BCL2L1: variants seen among roughly 807,000 people sequenced by gnomAD.
The protein encoded by BCL2L1 is bcl-2-like protein 1.
BCL2L1 carries 1 observed loss-of-function variant against 18.7 expected under a neutral mutation model. That is an observed-to-expected ratio of 0.05 (90% CI 0.02 to 0.25). The LOEUF (loss-of-function observed/expected upper bound fraction) is 0.25, where lower values mean the gene tolerates loss of function less well. Ranked by LOEUF, BCL2L1 falls within the 10% of genes least tolerant of loss-of-function variation. The pLI, the probability that BCL2L1 is intolerant of heterozygous loss-of-function variation, is 1.00. For synonymous variants in BCL2L1, 103 were observed against 122.7 expected, an observed-to-expected ratio of 0.84 and a Z score of 1.06; for missense variants, 207 against 304.9, an observed-to-expected ratio of 0.68 and a Z score of 2.39.
chr20:31,687,189 AC>A (rs2060973291), intron 2 of BCL2L1, among the ~76,000 whole-genome samples: 1 of 152,158 alleles, frequency 6.6e-6, no homozygotes, highest in South Asian at 2.1e-4. Context: ...ACTACACTGT[AC>A]CTTACAGCAT....
chr20:31,716,474 C>T (rs2061538946), intron 2 of BCL2L1: 1 of 106,556 alleles, frequency 9.4e-6, no homozygotes, highest in African/African-American at 6.5e-5. Context: ...TACTGCCATA[C>T]TCCCAGTATG....
intron 2 of BCL2L1, among the ~76,000 whole-genome samples, chr20:31,718,398 G>A (rs1469586837): frequency 6.6e-6 from 1 of 152,208 alleles, no homozygotes; most frequent in Non-Finnish European, 1.5e-5. Context: ...GTTCATGCCT[G>A]TAATCCCAGC....
chr20:31,678,521 G>A (rs2060800088), intron 2 of BCL2L1, among the ~76,000 whole-genome samples: 1 of 152,182 alleles, frequency 6.6e-6, no homozygotes, highest in South Asian at 2.1e-4. Context: ...CTCTCTCTCA[G>A]GGGTATCCAA....
At chr20:31,671,438 C>T (rs1007383494) in intron 2 of BCL2L1, among the ~76,000 whole-genome samples, 1 of 152,152 alleles carries the variant, frequency 6.6e-6, no homozygotes, top group East Asian at 1.9e-4. Flanking sequence ...TTTGCCAACA[C>T]TGTCCTTTAA....
intron 2 of BCL2L1, among the ~76,000 whole-genome samples, chr20:31,682,123 C>T (rs1055886873): frequency 3.3e-5 from 5 of 152,220 alleles, no homozygotes; most frequent in African/African-American, 1.2e-4. Context: ...AGAAGGTGCT[C>T]AGTGACTGAC....
chr20:31,675,076 G>C (rs1600769247), intron 2 of BCL2L1, among the ~76,000 whole-genome samples: 2 of 152,244 alleles, frequency 1.3e-5, no homozygotes, highest in South Asian at 2.1e-4. Context: ...CGAAGACCAG[G>C]AGGGAAAGTG....
At chr20:31,702,679 A>G (rs2061298304) in intron 2 of BCL2L1, among the ~76,000 whole-genome samples, 2 of 150,686 alleles carry the variant, frequency 1.3e-5, no homozygotes, top group Non-Finnish European at 3.0e-5. Context: ...AAGCCTGGCT[A>G]ATTTTGTATT....
intron 2 of BCL2L1, among the ~76,000 whole-genome samples, chr20:31,699,528 G>A (rs1183138878): frequency 6.6e-6 from 1 of 152,230 alleles, no homozygotes; most frequent in African/African-American, 2.4e-5. Flanking sequence ...TCTCAGCTGG[G>A]AGTACAGTAG....
intron 2 of BCL2L1, chr20:31,720,567 G>T (rs775739535): frequency 7.5e-5 from 74 of 985,304 alleles, no homozygotes; most frequent in Non-Finnish European, 8.2e-5. Flanking sequence ...TCCTGGCTCA[G>T]TGATGGGCAG....
At chr20:31,691,755 C>G (rs1350888418) in intron 2 of BCL2L1, among the ~76,000 whole-genome samples, 1 of 152,058 alleles carries the variant, frequency 6.6e-6, no homozygotes, top group African/African-American at 2.4e-5. Context: ...AGGACTTGAA[C>G]ATTTTACAAA....
At chr20:31,683,994 A>C (rs140491612) in intron 2 of BCL2L1, among the ~76,000 whole-genome samples, 18 of 152,276 alleles carry the variant, frequency 1.2e-4, no homozygotes, top group African/African-American at 4.3e-4. Context: ...TTAAAACAGA[A>C]AATGTCCATC....
At chr20:31,717,191 AGC>A (rs1478502730) in intron 2 of BCL2L1, among the ~76,000 whole-genome samples, 2 of 152,210 alleles carry the variant, frequency 1.3e-5, no homozygotes, top group Non-Finnish European at 2.9e-5. Context: ...GCTTCAAGAA[AGC>A]CCCATGATGG....
At chr20:31,723,689 T>C (rs2061672307), upstream of BCL2L1, 9 of 985,446 alleles carry the variant, frequency 9.1e-6, no homozygotes, top group Non-Finnish European at 1.1e-5. Flanking sequence ...CGAAGGCTCC[T>C]ATTGGGCGCA....
At chr20:31,685,820 G>C (rs998535257) in intron 2 of BCL2L1, among the ~76,000 whole-genome samples, 1 of 152,130 alleles carries the variant, frequency 6.6e-6, no homozygotes, top group East Asian at 1.9e-4. Flanking sequence ...TCTCAGCAAT[G>C]CCATTTATTA....
chr20:31,712,440 G>C (rs969929260), intron 2 of BCL2L1, among the ~76,000 whole-genome samples: 5 of 152,168 alleles, frequency 3.3e-5, no homozygotes, highest in African/African-American at 1.2e-4. Flanking sequence ...TTTGAACAAT[G>C]GCTGGCATAG....
At chr20:31,723,725 G>A (rs1260160275), upstream of BCL2L1, 28 of 985,364 alleles carry the variant, frequency 2.8e-5, no homozygotes, top group Non-Finnish European at 3.4e-5. Flanking sequence ...AGGGGAGGCG[G>A]CGCTCTCACC....
At chr20:31,683,938 A>T (rs760497933) in intron 2 of BCL2L1, among the ~76,000 whole-genome samples, 1 of 152,220 alleles carries the variant, frequency 6.6e-6, no homozygotes, top group Non-Finnish European at 1.5e-5. Flanking sequence ...TCCTATAAAG[A>T]GTATCATTTG....
At chr20:31,669,189 G>T (rs1355873456) in intron 2 of BCL2L1, among the ~76,000 whole-genome samples, 1 of 151,544 alleles carries the variant, frequency 6.6e-6, no homozygotes, top group Non-Finnish European at 1.5e-5. Context: ...CTGAGTAGCT[G>T]CCACACTACA....
intron 2 of BCL2L1, among the ~76,000 whole-genome samples, chr20:31,680,728 G>A (rs2060844508): frequency 6.6e-6 from 1 of 152,144 alleles, no homozygotes; most frequent in Non-Finnish European, 1.5e-5. Context: ...CTAAGCGCTG[G>A]GGATAAAGCA....
Sources: gnomAD v4.1 joint callset for allele counts (sites outside exome capture counted in the v4.1 genomes callset) on GRCh38, gnomAD v4.1.1 for gene constraint, MANE v1.5 for transcripts, NCBI Gene and HGNC (gene_info 2026-07-23, HGNC 2026-07-21) for gene names.